The following CARF variants were observed in gnomAD, a reference collection of about 807,000 sequenced individuals.
CARF encodes the protein calcium responsive transcription factor.
Under a neutral mutation model 82.0 loss-of-function variants are expected in CARF, and 57 were observed. That is an observed-to-expected ratio of 0.70 (90% CI 0.56 to 0.87). The LOEUF is 0.87. Ranked by LOEUF, CARF falls within the 40% of genes least tolerant of loss-of-function variation. The probability of loss-of-function intolerance (pLI) is 0.00; values close to 1 mark genes in which losing one functional copy is unlikely to be tolerated. For missense variants in CARF, 771 were observed against 855.8 expected, an observed-to-expected ratio of 0.90 and a Z score of 1.24; for synonymous variants, 268 against 290.1, an observed-to-expected ratio of 0.92 and a Z score of 0.77.
intron 2 of CARF, among the ~76,000 whole-genome samples, chr2:202,923,826 G>A (rs1016157206): frequency 2.0e-5 from 3 of 152,112 alleles, no homozygotes; most frequent in African/African-American, 7.2e-5. Flanking sequence ...ACCCACATAC[G>A]TAACAGCCAA....
intron 2 of CARF, among the ~76,000 whole-genome samples, chr2:202,919,175 CA>C (rs1397789534): frequency 1.3e-5 from 2 of 152,164 alleles, no homozygotes; most frequent in Non-Finnish European, 2.9e-5. Context: ...TTCACTCCCT[CA>C]GGGTAGCTCT....
rs1382634239 is a variant in CARF at position 202,986,903 on chromosome 2, T to TAC, written c.*3280_*3281insCA. 14 of 84,540 alleles carry TAC rather than the reference T, an allele frequency of 1.7e-4. No individual in the cohort carries two copies. Among genetic ancestry groups the TAC allele is most frequent in the Admixed American group, 2.5e-4 (2 of 8,136 alleles). 5.2% of individuals were successfully genotyped at this position (84,540 alleles called of 1,614,324 possible). On this transcript the variant is annotated 3_prime_UTR_variant, in exon 17 of 17. Coordinates refer to ENST00000438828, the MANE Select transcript of CARF (RefSeq NM_024744.17). ...ATATATATATATATATATATATATATATATAGCAACTTGATGTATAGTGTC... is the reference window on the plus strand; with the variant it reads ...ATATATATATATATATATATATATATACATATAGCAACTTGATGTATAGTGTC...
At chr2:202,929,093 AT>A (rs1381409683) in intron 3 of CARF, among the ~76,000 whole-genome samples, 1 of 152,188 alleles carries the variant, frequency 6.6e-6, no homozygotes, top group Non-Finnish European at 1.5e-5. Context: ...GAAATTATTT[AT>A]TTATTAATCC....
intron 3 of CARF, among the ~76,000 whole-genome samples, chr2:202,928,818 C>T (rs1057091242): frequency 9.9e-5 from 15 of 152,104 alleles, no homozygotes; most frequent in Admixed American, 7.2e-4. Context: ...GGCTCAATCT[C>T]GGCTCACTGC....
chr2:202,983,414 G>A, intron 16 of CARF, 92 bp from the exon 17 acceptor site: 2 of 809,412 alleles, frequency 2.5e-6, no homozygotes, highest in Non-Finnish European at 3.9e-6. Context: ...AGTTTTCACA[G>A]AAGTTATTTT....
At chr2:202,962,474 G>A (rs1380695789) in intron 9 of CARF, 1 of 151,886 alleles carries the variant, frequency 6.6e-6, no homozygotes, top group Non-Finnish European at 1.5e-5. Flanking sequence ...CTGGGTGACA[G>A]AGTAAGACCC....
chr2:202,950,679 T>A (rs767221362), intron 5 of CARF, among the ~76,000 whole-genome samples: 2 of 152,222 alleles, frequency 1.3e-5, no homozygotes, highest in African/African-American at 4.8e-5. Context: ...TAACCTTCTA[T>A]GAGTTTTGTA....
chr2:202,951,904 C>T (rs992188816), intron 5 of CARF, among the ~76,000 whole-genome samples: 8 of 151,524 alleles, frequency 5.3e-5, no homozygotes, highest in African/African-American at 1.9e-4. Context: ...GCGATCTCGG[C>T]TCACTGCAAC....
chr2:202,923,075 C>A (rs1691128739), intron 2 of CARF, among the ~76,000 whole-genome samples: 1 of 151,896 alleles, frequency 6.6e-6, no homozygotes, highest in Non-Finnish European at 1.5e-5. Flanking sequence ...AACCCCATCT[C>A]TACTAAAAAT....
chr2:202,961,749 T>A, intron 9 of CARF: 1 of 377,080 alleles, frequency 2.7e-6, no homozygotes, highest in Non-Finnish European at 4.7e-6. Flanking sequence ...GCTGTGTTTT[T>A]CCCCTTCAGA....
chr2:202,923,378 G>A (rs1021189408), intron 2 of CARF, among the ~76,000 whole-genome samples: 1 of 152,122 alleles, frequency 6.6e-6, no homozygotes, highest in Admixed American at 6.5e-5. Flanking sequence ...CCCCTGTTAC[G>A]ATAGCTGCAA....
chr2:202,965,629 G>T (rs1248395661), intron 9 of CARF, among the ~76,000 whole-genome samples: 1 of 151,892 alleles, frequency 6.6e-6, no homozygotes, highest in Non-Finnish European at 1.5e-5. Flanking sequence ...CTTATAAAAT[G>T]CTATTTCTCA....
intron 3 of CARF, among the ~76,000 whole-genome samples, chr2:202,931,926 T>G (rs1027742184): frequency 3.3e-5 from 5 of 152,144 alleles, no homozygotes; most frequent in Admixed American, 2.0e-4. Flanking sequence ...AAACAAATAC[T>G]TGAGACTGGG....
chr2:202,928,025 G>A (rs1294649072), intron 3 of CARF, among the ~76,000 whole-genome samples: 2 of 151,890 alleles, frequency 1.3e-5, no homozygotes, highest in African/African-American at 2.4e-5. Context: ...GGTTGCCTGG[G>A]GTCAAGCTTG....
In CARF at chr2:202,986,889, T is replaced by TATATATATATATATAC. The variant is rs2060462041; in HGVS notation, c.*3280_*3281insCATATATATATATATA. On this transcript the variant is annotated 3_prime_UTR_variant, in exon 17 of 17. Coordinates refer to ENST00000438828, the MANE Select transcript of CARF (RefSeq NM_024744.17). ...GTGCGTATATATATATATATATATA[T>TATATATATATATATAC]ATATATATATATATATATAGCAACT... 7.8e-6 allele frequency: 1 copy of TATATATATATATATAC among 127,824 alleles called. No individual in the cohort carries two copies. The highest frequency in any genetic ancestry group is 1.7e-5 in the Non-Finnish European group (1 of 58,714). 7.9% of individuals were successfully genotyped at this position (127,824 alleles called of 1,614,324 possible). A position where few individuals can be genotyped will look rare whatever the true frequency, so the allele number is the denominator to read the frequency against.
At chr2:202,943,680 C>T (rs2058354279) in intron 5 of CARF, among the ~76,000 whole-genome samples, 1 of 148,122 alleles carries the variant, frequency 6.8e-6, no homozygotes, top group South Asian at 2.2e-4. Context: ...TGGAGTCTTG[C>T]TCTGTCGCCA....
At chr2:202,947,170 T>G (rs1274835578) in intron 5 of CARF, among the ~76,000 whole-genome samples, 6 of 152,160 alleles carry the variant, frequency 3.9e-5, no homozygotes, top group Non-Finnish European at 5.9e-5. Context: ...TAAAGACACA[T>G]GGACATGTAT....
intron 3 of CARF, among the ~76,000 whole-genome samples, chr2:202,941,537 G>A (rs187465377): frequency 1.3e-5 from 2 of 151,946 alleles, no homozygotes; most frequent in Admixed American, 6.6e-5. Context: ...TAAATCTCTG[G>A]TAATATGAGA....
At chr2:202,964,813 T>C (rs2059473828) in intron 9 of CARF, among the ~76,000 whole-genome samples, 1 of 150,590 alleles carries the variant, frequency 6.6e-6, no homozygotes, top group African/African-American at 2.4e-5. Context: ...ATTACTAAAG[T>C]ATATGGTGTA....
Sources: gnomAD v4.1 joint callset for allele counts (sites outside exome capture counted in the v4.1 genomes callset) on GRCh38, gnomAD v4.1.1 for gene constraint, MANE v1.5 for transcripts, NCBI Gene and HGNC (gene_info 2026-07-23, HGNC 2026-07-21) for gene names.